KCNQ5: variants seen among roughly 807,000 people sequenced by gnomAD.
The protein encoded by KCNQ5 is potassium voltage-gated channel subfamily Q member 5.
In KCNQ5, 30 loss-of-function variants were observed where a neutral mutation model predicts 98.2. That is an observed-to-expected ratio of 0.31 (90% CI 0.23 to 0.41). The LOEUF (loss-of-function observed/expected upper bound fraction) is 0.41, where lower values mean the gene tolerates loss of function less well. Among genes scored for constraint, KCNQ5 ranks in the 10% least tolerant of loss-of-function variants. KCNQ5 has a pLI of 1.00. For synonymous variants in KCNQ5, 458 were observed against 449.4 expected, an observed-to-expected ratio of 1.02 and a Z score of -0.24; for missense variants, 835 against 1,182.5, an observed-to-expected ratio of 0.71 and a Z score of 4.31.
intron 1 of KCNQ5, among the ~76,000 whole-genome samples, chr6:72,755,070 T>C (rs1771897672): frequency 6.6e-6 from 1 of 152,026 alleles, no homozygotes; most frequent in African/African-American, 2.4e-5. Flanking sequence ...AGAATTGACC[T>C]CTTTATTATT....
intron 1 of KCNQ5, among the ~76,000 whole-genome samples, chr6:72,920,410 T>C (rs935016238): frequency 3.3e-5 from 5 of 152,158 alleles, no homozygotes; most frequent in Admixed American, 3.3e-4. Context: ...TTGATCCCTT[T>C]AAAAATAGTA....
intron 1 of KCNQ5, among the ~76,000 whole-genome samples, chr6:72,627,615 T>G (rs895881697): frequency 8.5e-5 from 13 of 152,302 alleles, no homozygotes; most frequent in African/African-American, 2.9e-4. Flanking sequence ...TCAAGTGGAC[T>G]GAGGAGTGGT....
chr6:72,933,280 A>T (rs1340617403), intron 1 of KCNQ5, among the ~76,000 whole-genome samples: 1 of 152,232 alleles, frequency 6.6e-6, no homozygotes. Context: ...AAGAGCCAAA[A>T]GGAGACCCAT....
intron 1 of KCNQ5, among the ~76,000 whole-genome samples, chr6:72,891,143 C>T (rs1028859461): frequency 1.3e-5 from 2 of 152,252 alleles, no homozygotes; most frequent in Middle Eastern, 3.4e-3. Context: ...TCCTTGGGAT[C>T]CTGTCTGTGC....
chr6:73,000,478 A>G (rs1233556486), intron 1 of KCNQ5, among the ~76,000 whole-genome samples: 1 of 152,178 alleles, frequency 6.6e-6, no homozygotes, highest in Non-Finnish European at 1.5e-5. Context: ...GGAAAAAAAT[A>G]CTTCCATATC....
intron 1 of KCNQ5, among the ~76,000 whole-genome samples, chr6:72,814,179 C>G (rs1416330143): frequency 6.6e-6 from 1 of 152,190 alleles, no homozygotes; most frequent in Non-Finnish European, 1.5e-5. Context: ...AAGCAGAAGA[C>G]AAGGCGGTGG....
At chr6:72,943,231 C>CT (rs1766387587) in intron 1 of KCNQ5, among the ~76,000 whole-genome samples, 2 of 152,174 alleles carry the variant, frequency 1.3e-5, no homozygotes, top group Admixed American at 1.3e-4. Context: ...TTGTGCCATA[C>CT]AGAATCTGCA....
At chr6:73,035,097 G>A (rs964737250) in intron 2 of KCNQ5, among the ~76,000 whole-genome samples, 6 of 151,938 alleles carry the variant, frequency 3.9e-5, no homozygotes, top group Admixed American at 1.3e-4. Context: ...CACCCGCCTC[G>A]GCTTCCGAAA....
At chr6:72,669,306 G>A (rs1314622062) in intron 1 of KCNQ5, among the ~76,000 whole-genome samples, 7 of 152,174 alleles carry the variant, frequency 4.6e-5, no homozygotes, top group Admixed American at 1.3e-4. Flanking sequence ...GGGAAAAATC[G>A]GAAGGAATGA....
intron 1 of KCNQ5, among the ~76,000 whole-genome samples, chr6:72,867,415 C>A (rs1377933474): frequency 6.6e-6 from 1 of 152,136 alleles, no homozygotes; most frequent in Admixed American, 6.5e-5. Context: ...TGTTGTAGAA[C>A]AAGGAGAATT....
chr6:73,115,810 GAA>G (rs1775466820), intron 7 of KCNQ5, among the ~76,000 whole-genome samples: 1 of 152,156 alleles, frequency 6.6e-6, no homozygotes, highest in South Asian at 2.1e-4. Flanking sequence ...AGCCAAGAGA[GAA>G]AGAGACATGG....
intron 2 of KCNQ5, among the ~76,000 whole-genome samples, chr6:73,032,133 T>C (rs904955880): frequency 1.3e-5 from 2 of 152,224 alleles, no homozygotes; most frequent in Admixed American, 6.5e-5. Flanking sequence ...TTGGCTGACA[T>C]GTACTAATTT....
chr6:73,051,865 T>G (rs901388665), intron 3 of KCNQ5, among the ~76,000 whole-genome samples: 1 of 152,012 alleles, frequency 6.6e-6, no homozygotes, highest in Admixed American at 6.5e-5. Flanking sequence ...ACAACTGCAG[T>G]AGTTCCCCAG....
At position 73,125,438 on chromosome 6, in the gene KCNQ5, T is replaced by C. The variant is rs752250477; in HGVS notation, c.1247+926T>C. The C allele has an allele frequency of 1.4e-5, 7 of 518,278 alleles. 1 individual carries two copies. Among genetic ancestry groups the C allele is most frequent in the Admixed American group, 1.2e-4 (6 of 51,448 alleles). 32.1% of individuals were successfully genotyped at this position (518,278 alleles called of 1,614,324 possible). A position where few individuals can be genotyped will look rare whatever the true frequency, so the allele number is the denominator to read the frequency against. ...ACCAGCAAGGAGAATCCCAGGTGCC[T>C]GGAAAGGAAGAAGAGATACATTTTT... On this transcript the variant is annotated intron_variant, in intron 9 of 13. Transcript: ENST00000370398.
In KCNQ5 at chr6:72,690,134, A is replaced by G. The variant is rs376340946; in HGVS notation, c.398+67547A>G. 5.3e-4 allele frequency among the ~76,000 whole-genome samples: 81 copies of G among 152,154 alleles called. No individual in the cohort carries two copies. The South Asian group carries it at 0.016, about 29-fold the overall frequency. ...CTAAAAATATAAAAATTAGCTGGGTATGATGGCGGATGCTCTAGTCCTAGC... is the reference window on the plus strand; with the variant it reads ...CTAAAAATATAAAAATTAGCTGGGTGTGATGGCGGATGCTCTAGTCCTAGC... On this transcript the variant is annotated intron_variant, in intron 1 of 13. Coordinates refer to ENST00000370398, the MANE Select transcript of KCNQ5 (RefSeq NM_019842.4).
intron 1 of KCNQ5, among the ~76,000 whole-genome samples, chr6:72,695,416 A>G (rs938931238): frequency 6.6e-6 from 1 of 152,164 alleles, no homozygotes; most frequent in African/African-American, 2.4e-5. Context: ...CTTATATAAA[A>G]TGGTTCCACC....
At chr6:72,889,320 T>G (rs972653335) in intron 1 of KCNQ5, among the ~76,000 whole-genome samples, 4 of 152,122 alleles carry the variant, frequency 2.6e-5, no homozygotes, top group Non-Finnish European at 5.9e-5. Flanking sequence ...GGAAGCAGAT[T>G]AGATAGGACC....
chr6:72,823,170 C>T (rs367944539), intron 1 of KCNQ5, among the ~76,000 whole-genome samples: 1 of 152,106 alleles, frequency 6.6e-6, no homozygotes, highest in Admixed American at 6.6e-5. Context: ...TTTGAAACTA[C>T]GTGTAATACT....
At chr6:73,029,783 A>G (rs746879726) in intron 2 of KCNQ5, among the ~76,000 whole-genome samples, 2 of 151,438 alleles carry the variant, frequency 1.3e-5, no homozygotes, top group East Asian at 1.9e-4. Flanking sequence ...AATACAAAAA[A>G]TTAGCTGGGC....
Sources: gnomAD v4.1 joint callset for allele counts (sites outside exome capture counted in the v4.1 genomes callset) on GRCh38, gnomAD v4.1.1 for gene constraint, MANE v1.5 for transcripts, NCBI Gene and HGNC (gene_info 2026-07-23, HGNC 2026-07-21) for gene names.